ABHD12B: variants seen among roughly 807,000 people sequenced by gnomAD.
ABHD12B encodes protein ABHD12B.
In ABHD12B, 42 loss-of-function variants were observed where a neutral mutation model predicts 50.4. That is an observed-to-expected ratio of 0.83 (90% CI 0.65 to 1.08). ABHD12B has a LOEUF of 1.08. ABHD12B is among the 50% of genes least tolerant of loss of function. The pLI is 0.00. For synonymous variants in ABHD12B, 167 were observed against 160.3 expected (o/e 1.04, Z -0.32); for missense variants, 479 against 447.7 (o/e 1.07, Z -0.63).
intron 9 of ABHD12B, among the ~76,000 whole-genome samples, chr14:50,899,921 A>T (rs1440190890): frequency 7.1e-6 from 1 of 141,044 alleles, no homozygotes; most frequent in Admixed American, 7.1e-5. Context: ...GACTCTGTCT[A>T]AAAAAAAAAA....
At position 50,903,405 on chromosome 14, in the gene ABHD12B, TCTC is replaced by T. The variant is rs898153644; in HGVS notation, c.884_886del (p.Pro295del). 6 of 1,612,026 alleles carry T rather than the reference TCTC, an allele frequency of 3.7e-6. No homozygotes were observed. The highest frequency in any genetic ancestry group is 2.7e-5 in the African/African-American group (2 of 74,836). ...TGTCCCTAGTGTTAAATTCCTTTCT[TCTC>T]CTCTTCTCATCTTACATGGAGAGGA... On this transcript the variant is annotated inframe_deletion, in exon 11 of 13. Transcript: ENST00000337334.
intron 1 of ABHD12B, among the ~76,000 whole-genome samples, chr14:50,872,797 T>C (rs532338438): frequency 4.0e-4 from 61 of 152,354 alleles, no homozygotes; most frequent in African/African-American, 1.4e-3. Flanking sequence ...ACCTCCAGTA[T>C]GCTAAAGATG....
chr14:50,882,399 C>T (rs1373967170), intron 5 of ABHD12B, among the ~76,000 whole-genome samples: 10 of 35,410 alleles, frequency 2.8e-4, no homozygotes, highest in African/African-American at 1.2e-3. Context: ...TTTTTTGAGA[C>T]GGAGTCTCGC....
intron 12 of ABHD12B, 58 bp downstream of exon 12, chr14:50,904,250 C>T (rs2050302356): frequency 1.9e-6 from 3 of 1,613,320 alleles, no homozygotes; most frequent in Non-Finnish European, 2.5e-6. Flanking sequence ...GCTGCTCTGG[C>T]TTACTTAGGC....
chr14:50,889,031 A>G, intron 9 of ABHD12B, 128 bp downstream of exon 9: 1 of 688,762 alleles, frequency 1.5e-6, no homozygotes, highest in Non-Finnish European at 2.2e-6. Flanking sequence ...TTTTTAAGTT[A>G]TTCTAATCTG....
intron 1 of ABHD12B, among the ~76,000 whole-genome samples, chr14:50,872,602 G>C (rs758108734): frequency 3.3e-5 from 5 of 152,152 alleles, no homozygotes; most frequent in Non-Finnish European, 7.3e-5. Flanking sequence ...TCTATTATCT[G>C]ACCATTTTGC....
At chr14:50,878,640 C>A in intron 2 of ABHD12B, 105 bp from the exon 3 acceptor site, 1 of 878,888 alleles carries the variant, frequency 1.1e-6, no homozygotes. Flanking sequence ...TAGTAGCTTG[C>A]AACTTAGAAG....
At chr14:50,875,630 G>A (rs2049852426) in intron 1 of ABHD12B, among the ~76,000 whole-genome samples, 1 of 152,190 alleles carries the variant, frequency 6.6e-6, no homozygotes. Flanking sequence ...TGCATCCTCT[G>A]CTCAAATAAG....
chr14:50,881,615 A>C lies in ABHD12B; in HGVS notation c.475A>C (p.Lys159Gln), dbSNP rs1408683802. The C allele has an allele frequency of 6.2e-7, 1 of 1,606,326 alleles. No homozygotes were observed. The highest frequency in any genetic ancestry group is 1.7e-5 in the Admixed American group (1 of 58,970). Residue 159 changes from lysine (K) to glutamine (Q), a missense_variant, in exon 5 of 13, where the codon AAG becomes CAG. Transcript: ENST00000337334. Reference protein sequence around the residue: ...AEHRAASHRLKLVKVLSDGGF... With the variant: ...AEHRAASHRLQLVKVLSDGGF... ...TCACAGGGCAGCTTCGCACAGACTG[A>C]AGCTGGTAAAGGTATGTCTGAAGAG...
Position 50,885,868 on chromosome 14 carries a change from G to T in ABHD12B, c.635G>T (p.Cys212Phe). The T allele has an allele frequency of 6.2e-7, 1 of 1,614,160 alleles. No homozygotes were observed. Among genetic ancestry groups the T allele is most frequent in the Non-Finnish European group, 8.5e-7 (1 of 1,180,038 alleles). Reference protein sequence around the residue: ...TKARSGITPVCLWGHSLGTGV... With the variant: ...TKARSGITPVFLWGHSLGTGV... ...GCAAGAAGTGGCATCACTCCCGTGT[G>T]TCTCTGGGGCCACTCTCTGGGTACA... Residue 212 changes from cysteine to phenylalanine, a missense_variant, in exon 7 of 13, where the codon TGT (cysteine) becomes TTT (phenylalanine). Cys to Phe is a radical substitution (Grantham distance 205). Transcript: ENST00000337334.
chr14:50,874,382 T>C (rs555115525), intron 1 of ABHD12B, among the ~76,000 whole-genome samples: 1 of 152,192 alleles, frequency 6.6e-6, no homozygotes, highest in South Asian at 2.1e-4. Flanking sequence ...GGGCAGATCA[T>C]GAGGTCAGGA....
At chr14:50,879,599 C>T (rs1220390891) in intron 3 of ABHD12B, among the ~76,000 whole-genome samples, 1 of 152,256 alleles carries the variant, frequency 6.6e-6, no homozygotes, top group Non-Finnish European at 1.5e-5. Context: ...TTTCATCTCC[C>T]TGAGTTCAAA....
intron 9 of ABHD12B, among the ~76,000 whole-genome samples, chr14:50,894,670 C>T (rs1375941103): frequency 1.3e-5 from 2 of 151,878 alleles, no homozygotes; most frequent in Non-Finnish European, 2.9e-5. Context: ...AATAGGCAAA[C>T]GGTCTGAGGT....
intron 4 of ABHD12B, among the ~76,000 whole-genome samples, chr14:50,881,111 C>A (rs749863569): frequency 2.0e-5 from 3 of 152,226 alleles, no homozygotes; most frequent in Non-Finnish European, 4.4e-5. Context: ...GTCCCAACCT[C>A]GCTCTGTAAC....
intron 4 of ABHD12B, 76 bp downstream of exon 4, chr14:50,880,647 G>A: frequency 7.0e-7 from 1 of 1,423,262 alleles, no homozygotes; most frequent in Non-Finnish European, 9.3e-7. Flanking sequence ...TGAAGGACAG[G>A]GCTCTGTTTT....
chr14:50,901,517 G>T (rs963556857), intron 9 of ABHD12B, among the ~76,000 whole-genome samples: 4 of 151,624 alleles, frequency 2.6e-5, no homozygotes, highest in African/African-American at 9.7e-5. Context: ...AGCAATTTTA[G>T]GTTTTGCATA....
At chr14:50,891,939 T>C (rs2142754590) in intron 9 of ABHD12B, 1 of 152,350 alleles carries the variant, frequency 6.6e-6, no homozygotes, top group African/African-American at 2.4e-5. Flanking sequence ...CTTTATAATA[T>C]GTCTTGATAT....
intron 5 of ABHD12B, among the ~76,000 whole-genome samples, chr14:50,882,238 C>T (rs373552936): frequency 3.7e-4 from 56 of 150,468 alleles, no homozygotes; most frequent in African/African-American, 1.3e-3. Flanking sequence ...ACCCGGCTGA[C>T]GTTTTTATTT....
At chr14:50,876,907 G>A (rs940904705) in intron 1 of ABHD12B, among the ~76,000 whole-genome samples, 3 of 152,158 alleles carry the variant, frequency 2.0e-5, no homozygotes, top group Admixed American at 6.5e-5. Context: ...CTTACTTAAT[G>A]GATAATGTGG....
Sources: allele counts gnomAD v4.1 joint callset (sites outside exome capture counted in the v4.1 genomes callset), GRCh38; gene constraint gnomAD v4.1.1; transcripts MANE v1.5; gene names NCBI Gene and HGNC (gene_info 2026-07-23, HGNC 2026-07-21).